The following CFAP70 variants were observed in gnomAD, a reference collection of about 807,000 sequenced individuals.
The protein encoded by CFAP70 is cilia- and flagella-associated protein 70.
A neutral mutation model predicts 137.6 loss-of-function variants in CFAP70; 81 were observed. The observed-to-expected ratio is 0.59, with a 90% CI of 0.49 to 0.71. The LOEUF (loss-of-function observed/expected upper bound fraction) is 0.71. Ranked by LOEUF, CFAP70 falls within the 30% of genes least tolerant of loss-of-function variation. CFAP70 has a pLI of 0.00. For missense variants in CFAP70, 976 were observed against 1,226.7 expected (o/e 0.80, Z 3.05); for synonymous variants, 382 against 423.6 (o/e 0.90, Z 1.20).
chr10:73,313,892 T>C (rs2050134855), intron 9 of CFAP70, among the ~76,000 whole-genome samples: 1 of 152,160 alleles, frequency 6.6e-6, no homozygotes, highest in East Asian at 1.9e-4. Context: ...TTCACTTCTA[T>C]ACAAGAAATA....
chr10:73,268,395 T>C (rs916286888), intron 25 of CFAP70, among the ~76,000 whole-genome samples: 1 of 152,236 alleles, frequency 6.6e-6, no homozygotes, highest in Non-Finnish European at 1.5e-5. Context: ...GGTCAACCTT[T>C]ATACATAACT....
chr10:73,361,373 A>G (rs555320924), upstream of CFAP70, among the ~76,000 whole-genome samples: 13 of 148,260 alleles, frequency 8.8e-5, no homozygotes, highest in Non-Finnish European at 1.6e-4. Context: ...GCTCACTGCA[A>G]CCTCTGCCTC....
intron 16 of CFAP70, among the ~76,000 whole-genome samples, chr10:73,292,870 T>A (rs553181019): frequency 6.6e-6 from 1 of 152,248 alleles, no homozygotes; most frequent in East Asian, 1.9e-4. Flanking sequence ...CTTTGATCGA[T>A]CATGCTTCGG....
intron 12 of CFAP70, among the ~76,000 whole-genome samples, chr10:73,301,117 A>G (rs762861420): frequency 1.3e-5 from 2 of 152,378 alleles, no homozygotes; most frequent in African/African-American, 2.4e-5. Context: ...ATGCAGGAGC[A>G]TATTTCACCA....
chr10:73,341,384 A>G lies in CFAP70; in HGVS notation c.582+15T>C, dbSNP rs775194214. On this transcript the variant is annotated intron_variant, in intron 6 of 26. Transcript: ENST00000310715. ...CACTAAGTTTATCACAAAAACCTGT[A>G]TATCAGGCTCTCACCTCAGGATGGT... The G allele has an allele frequency of 1.9e-6, 3 of 1,589,368 alleles. No homozygotes were observed.
intron 9 of CFAP70, among the ~76,000 whole-genome samples, chr10:73,314,006 A>AC: frequency 6.6e-6 from 1 of 152,378 alleles, no homozygotes; most frequent in South Asian, 2.1e-4. Flanking sequence ...AACTATAGAT[A>AC]AACCACCAGA....
chr10:73,291,812 C>A, intron 17 of CFAP70, 57 bp from the exon 19 acceptor site: 1 of 1,613,514 alleles, frequency 6.2e-7, no homozygotes, highest in Non-Finnish European at 8.5e-7. Flanking sequence ...ATTTATGGAA[C>A]CAAGACAATT....
At chr10:73,347,261 A>G (rs2053789089) in intron 4 of CFAP70, among the ~76,000 whole-genome samples, 1 of 152,236 alleles carries the variant, frequency 6.6e-6, no homozygotes, top group Non-Finnish European at 1.5e-5. Flanking sequence ...GGGTGAATCC[A>G]TGAACTACAG....
At position 73,277,268 on chromosome 10, in the gene CFAP70, T is replaced by TG. The variant is rs1421307582; in HGVS notation, c.2491dup (p.His831ProfsTer19). The TG allele has an allele frequency of 1.9e-6, 3 of 1,613,902 alleles. No homozygotes were observed. In the Admixed American group the frequency reaches 5.0e-5, roughly 27 times the overall value. ...CACAGCCTTGACTTTCATCAAGAAA[T>TG]GTATGGTCTCCATGAAGATGGTGGT... On this transcript the variant is annotated frameshift_variant, in exon 21 of 27. Transcript: ENST00000310715. LOFTEE classifies it high-confidence loss of function.
chr10:73,357,571 C>T (rs977333428), intron 1 of CFAP70, among the ~76,000 whole-genome samples: 3 of 152,192 alleles, frequency 2.0e-5, no homozygotes, highest in African/African-American at 7.2e-5. Context: ...GTATCACTGT[C>T]TTGTTCCCTC....
chr10:73,313,661 G>A (rs1187259956), intron 9 of CFAP70, among the ~76,000 whole-genome samples: 1 of 151,880 alleles, frequency 6.6e-6, no homozygotes, highest in African/African-American at 2.4e-5. Context: ...TACCCAACAT[G>A]GTGAAACCCT....
exon 5 of CFAP70, chr10:73,345,092 G>A (rs745996084): frequency 8.1e-6 from 13 of 1,614,070 alleles, no homozygotes; most frequent in South Asian, 4.4e-5. Flanking sequence ...CTTGCAGACC[G>A]ACCATGTAGT....
intron 25 of CFAP70, among the ~76,000 whole-genome samples, chr10:73,258,192 CTTG>C: frequency 6.6e-6 from 1 of 152,294 alleles, no homozygotes; most frequent in East Asian, 1.9e-4. Flanking sequence ...TTCATCAGTG[CTTG>C]TTGTGGGAAG....
intron 9 of CFAP70, among the ~76,000 whole-genome samples, chr10:73,322,749 T>C (rs1158211098): frequency 6.6e-6 from 1 of 152,178 alleles, no homozygotes; most frequent in Non-Finnish European, 1.5e-5. Context: ...TCTGTTCACC[T>C]GTTGATAGAG....
At chr10:73,351,019 ATATATATGTG>A (rs1219737085) in intron 3 of CFAP70, among the ~76,000 whole-genome samples, 5 of 136,296 alleles carry the variant, frequency 3.7e-5, no homozygotes, top group African/African-American at 1.4e-4. Context: ...ATGTGTGTGT[ATATATATGTG>A]TATATGTGTG....
chr10:73,319,098 G>T (rs139096703), intron 9 of CFAP70, among the ~76,000 whole-genome samples: 1 of 152,182 alleles, frequency 6.6e-6, no homozygotes, highest in African/African-American at 2.4e-5. Flanking sequence ...AAACAAGAAG[G>T]TAATAGTAGC....
chr10:73,345,316 G>A, intron 4 of CFAP70, 72 bp from the exon 6 acceptor site: 2 of 1,313,938 alleles, frequency 1.5e-6, no homozygotes, highest in South Asian at 2.5e-5. Context: ...TATCTCATTT[G>A]AATCTCATAT....
At chr10:73,277,174 T>C in intron 21 of CFAP70, 66 bp downstream of exon 22, 1 of 1,525,118 alleles carries the variant, frequency 6.6e-7, no homozygotes, top group Non-Finnish European at 8.8e-7. Flanking sequence ...AAAGATACCA[T>C]TATGGATAGA....
At chr10:73,262,695 A>G (rs1276481580) in intron 25 of CFAP70, among the ~76,000 whole-genome samples, 1 of 152,194 alleles carries the variant, frequency 6.6e-6, no homozygotes, top group Admixed American at 6.5e-5. Flanking sequence ...AAATTCGTGC[A>G]TGGTATATAT....
Sources: allele counts gnomAD v4.1 joint callset (sites outside exome capture counted in the v4.1 genomes callset), GRCh38; gene constraint gnomAD v4.1.1; transcripts MANE v1.5; gene names NCBI Gene and HGNC (gene_info 2026-07-23, HGNC 2026-07-21).